The following WDR25 variants were observed in gnomAD, a reference collection of about 807,000 sequenced individuals.
WDR25 encodes the protein WD repeat-containing protein 25.
A neutral mutation model predicts 47.7 loss-of-function variants in WDR25; 35 were observed. The observed-to-expected ratio is 0.73, with a 90% CI of 0.56 to 0.97. The LOEUF is 0.97. Ranked by LOEUF, WDR25 falls within the 50% of genes least tolerant of loss-of-function variation. WDR25 has a pLI of 0.00. For missense variants in WDR25, 634 were observed against 704.7 expected (o/e 0.90, Z 1.14); for synonymous variants, 248 against 278.9 (o/e 0.89, Z 1.10).
intron 1 of WDR25, among the ~76,000 whole-genome samples, 197 bp from the exon 2 acceptor site, chr14:100,380,713 C>T (rs139670693): frequency 5.2e-4 from 79 of 152,142 alleles, no homozygotes; most frequent in African/African-American, 1.8e-3. Flanking sequence ...AGGCTGGTCT[C>T]GAACTCCTGA....
intron 2 of WDR25, among the ~76,000 whole-genome samples, chr14:100,432,005 C>T (rs1339056318): frequency 6.6e-6 from 1 of 152,248 alleles, no homozygotes; most frequent in Non-Finnish European, 1.5e-5. Flanking sequence ...CCACCGCACC[C>T]AGCCTTGTTG....
chr14:100,526,936 CCACCA>C (rs1566950395), intron 5 of WDR25, among the ~76,000 whole-genome samples: 24 of 102,386 alleles, frequency 2.3e-4, no homozygotes, highest in South Asian at 1.2e-3. Flanking sequence ...CCTGTCATCA[CCACCA>C]CACCATCTCT....
chr14:100,522,432 T>C (rs1210932321), intron 4 of WDR25, among the ~76,000 whole-genome samples: 2 of 152,216 alleles, frequency 1.3e-5, no homozygotes, highest in African/African-American at 4.8e-5. Context: ...CCTATGTGAT[T>C]GGCGACTTCT....
Position 100,440,362 on chromosome 14 carries a change from A to C in WDR25, c.823-27659A>C, listed in dbSNP as rs555341565. 2.0e-5 allele frequency among the ~76,000 whole-genome samples: 3 copies of C among 152,256 alleles called. No individual in the cohort carries two copies. The South Asian group carries it at 6.2e-4, about 32-fold the overall frequency. Reference sequence around the variant, plus strand: ...AGTCAGGGAGCCCTTCGGCCACGGCAGCGGGGTGGCGCCAGACACCTGGCT... The same window carrying C: ...AGTCAGGGAGCCCTTCGGCCACGGCCGCGGGGTGGCGCCAGACACCTGGCT... On this transcript the variant is annotated intron_variant, in intron 2 of 6. Coordinates refer to ENST00000402312, the MANE Select transcript of WDR25 (RefSeq NM_001161476.3). This position sits in a 1 kb window ranked among gnomAD's most constrained non-coding sequence, Gnocchi z 4.4.
intron 2 of WDR25, among the ~76,000 whole-genome samples, chr14:100,427,709 T>C (rs1351856581): frequency 6.6e-6 from 1 of 152,226 alleles, no homozygotes; most frequent in Admixed American, 6.5e-5. Context: ...TGTTTTAAGG[T>C]ACAAATTCAG....
Position 100,525,748 on chromosome 14 carries a change from G to A in WDR25, c.1102-122G>A. On this transcript the variant is annotated intron_variant, in intron 4 of 6. Coordinates refer to ENST00000402312, the MANE Select transcript of WDR25 (RefSeq NM_001161476.3). The surrounding 1 kb of genome is among the most constrained non-coding windows in gnomAD (Gnocchi z 4.6). ...GGCTTGTGGGTGCTGCTCAGCCTGG[G>A]TGTGTGTGGCCCAGCATAAACTTCA... 2.7e-6 allele frequency: 3 copies of A among 1,125,738 alleles called. No homozygotes were observed. The South Asian group carries it at 4.6e-5, about 17-fold the overall frequency. 69.7% of individuals were successfully genotyped at this position (1,125,738 alleles called of 1,614,324 possible). A position where few individuals can be genotyped will look rare whatever the true frequency, so the allele number is the denominator to read the frequency against.
Position 100,381,565 on chromosome 14 carries a change from G to C in WDR25, c.641G>C (p.Gly214Ala), listed in dbSNP as rs1714859264. ...CGTGCCCCAGCCCCTCTCTACGTGG[G>C]CCCGGGAGTGTCTGAGTTTATTCAG... ...AGRAPAPLYV[G>A]PGVSEFIQPY... The change falls in exon 2 of 7, where the codon GGC (glycine) becomes GCC (alanine). Residue 214 changes from glycine (G) to alanine (A), a missense_variant. By Grantham distance (60) the Gly-to-Ala change is moderately conservative. Coordinates refer to ENST00000402312, the MANE Select transcript of WDR25 (RefSeq NM_001161476.3). 1.2e-6 allele frequency: 2 copies of C among 1,609,678 alleles called. No homozygotes were observed. Among genetic ancestry groups the C allele is most frequent in the Non-Finnish European group, 1.7e-6 (2 of 1,177,074 alleles).
At chr14:100,447,502 T>C (rs1898877821) in intron 2 of WDR25, among the ~76,000 whole-genome samples, 1 of 152,072 alleles carries the variant, frequency 6.6e-6, no homozygotes, top group Non-Finnish European at 1.5e-5. Context: ...TTGAACAGAC[T>C]GGGGAGCCTG....
chr14:100,471,282 G>A (rs1339256403), intron 3 of WDR25, among the ~76,000 whole-genome samples: 1 of 152,114 alleles, frequency 6.6e-6, no homozygotes, highest in African/African-American at 2.4e-5. Context: ...TACCTGTGTG[G>A]GTAAGATGTG....
At chr14:100,508,517 A>G (rs1422906138) in intron 4 of WDR25, among the ~76,000 whole-genome samples, 1 of 152,196 alleles carries the variant, frequency 6.6e-6, no homozygotes, top group African/African-American at 2.4e-5. Context: ...GCTTTTTCCT[A>G]GATTACTTAG....
At chr14:100,395,842 C>T (rs182965089) in intron 2 of WDR25, among the ~76,000 whole-genome samples, 44 of 152,324 alleles carry the variant, frequency 2.9e-4, no homozygotes, top group Admixed American at 9.2e-4. Flanking sequence ...CCACCCCTCA[C>T]CTCCAGTCTG....
chr14:100,382,170 T>C, intron 2 of WDR25: 1 of 702,940 alleles, frequency 1.4e-6, no homozygotes, highest in Non-Finnish European at 2.6e-6. Flanking sequence ...ACCCAGCCCC[T>C]GGTGTCAGGG....
In WDR25 at chr14:100,411,255, A is replaced by G. The variant is rs563232841; in HGVS notation, c.822+29509A>G. 1.6e-4 allele frequency among the ~76,000 whole-genome samples: 24 copies of G among 152,248 alleles called. No homozygotes were observed. The South Asian group carries it at 4.8e-3, about 30-fold the overall frequency. ...CTAGCTCTGTGATGCTGGGCAAGCAACCCCAAGGTGCCTCTGTTTCCCCAT... is the reference window on the plus strand; with the variant it reads ...CTAGCTCTGTGATGCTGGGCAAGCAGCCCCAAGGTGCCTCTGTTTCCCCAT... On this transcript the variant is annotated intron_variant, in intron 2 of 6. Transcript: ENST00000402312.
intron 2 of WDR25, among the ~76,000 whole-genome samples, chr14:100,466,203 G>GTT (rs1899623643): frequency 6.6e-6 from 1 of 152,086 alleles, no homozygotes; most frequent in Non-Finnish European, 1.5e-5. Context: ...GATTTTTTCA[G>GTT]TTTGAGACCC....
chr14:100,401,874 T>C (rs1897391923), intron 2 of WDR25, among the ~76,000 whole-genome samples: 1 of 152,214 alleles, frequency 6.6e-6, no homozygotes. Context: ...ATTTGAGGGC[T>C]TGGATGTGAT....
chr14:100,470,989 C>A (rs934757132), intron 3 of WDR25, among the ~76,000 whole-genome samples: 1 of 152,208 alleles, frequency 6.6e-6, no homozygotes, highest in African/African-American at 2.4e-5. Context: ...GGCCCCGTTT[C>A]GTTCACTCCG....
rs372614621 is a variant in WDR25 at position 100,380,878 on chromosome 14, A to G, written c.-15-32A>G. ...ACTACATACATATTCTTCCATGCAC[A>G]TTTTCTGACGGTTGACCTTGTTTGA... On this transcript the variant is annotated intron_variant, in intron 1 of 6. Coordinates refer to ENST00000402312, the MANE Select transcript of WDR25 (RefSeq NM_001161476.3). 18 of 1,574,448 alleles carry G rather than the reference A, an allele frequency of 1.1e-5. No homozygotes were observed. In the African/African-American group the frequency reaches 2.0e-4, roughly 18 times the overall value.
chr14:100,497,720 T>G (rs1324076536), intron 4 of WDR25, among the ~76,000 whole-genome samples: 1 of 152,210 alleles, frequency 6.6e-6, no homozygotes, highest in Non-Finnish European at 1.5e-5. Flanking sequence ...CTTTTTCCCT[T>G]GAATTTCCCT....
intron 4 of WDR25, among the ~76,000 whole-genome samples, chr14:100,486,108 A>G (rs1368293468): frequency 6.6e-6 from 1 of 151,840 alleles, no homozygotes; most frequent in African/African-American, 2.4e-5. Flanking sequence ...CAAGTGAAAG[A>G]AAACATTTGA....
Sources: allele counts gnomAD v4.1 joint callset (sites outside exome capture counted in the v4.1 genomes callset), GRCh38; gene constraint gnomAD v4.1.1; non-coding constraint Gnocchi (gnomAD v3.1); transcripts MANE v1.5; gene names NCBI Gene and HGNC (gene_info 2026-07-23, HGNC 2026-07-21).